LINGO2: variants seen among roughly 807,000 people sequenced by gnomAD.
LINGO2 encodes the protein leucine-rich repeat and immunoglobulin-like domain-containing nogo receptor-interacting protein 2.
In LINGO2, 14 loss-of-function variants were observed where a neutral mutation model predicts 30.6. That is an observed-to-expected ratio of 0.46 (90% CI 0.30 to 0.72). LINGO2 has a LOEUF of 0.72. Among genes scored for constraint, LINGO2 ranks in the 30% least tolerant of loss-of-function variants. The pLI, the probability that LINGO2 is intolerant of heterozygous loss-of-function variation, is 0.07. For missense variants in LINGO2, 729 were observed against 751.7 expected (o/e 0.97, Z 0.35); for synonymous variants, 317 against 288.5 (o/e 1.10, Z -1.00).
At chr9:28,683,186 A>G in the LINGO2 span, among the ~76,000 whole-genome samples, 1 of 152,124 alleles carries the variant, frequency 6.6e-6, no homozygotes, top group Non-Finnish European at 1.5e-5. Context: ...ATGTGCCCAT[A>G]CCCTATTGTA....
intron 1 of LINGO2, among the ~76,000 whole-genome samples, chr9:28,639,998 T>C (rs1827493256): frequency 1.3e-5 from 2 of 152,172 alleles, no homozygotes. Context: ...CTTCAGGAGC[T>C]CTTGTAGGGC....
chr9:28,647,821 C>A (rs1221942901), intron 1 of LINGO2, among the ~76,000 whole-genome samples: 2 of 150,674 alleles, frequency 1.3e-5, no homozygotes, highest in Middle Eastern at 3.2e-3. Context: ...CTCTATTTAA[C>A]TTTTATTATT....
At chr9:28,345,585 A>C (rs2134410909) in intron 3 of LINGO2, among the ~76,000 whole-genome samples, 1 of 152,310 alleles carries the variant, frequency 6.6e-6, no homozygotes, top group South Asian at 2.1e-4. Context: ...TAATCCCTCT[A>C]AAATTTCATC....
intron 2 of LINGO2, among the ~76,000 whole-genome samples, chr9:28,449,032 C>CGTGTGTGTGT (rs140779747): frequency 0.016 from 2,214 of 137,932 alleles, 43 homozygotes; most frequent in Middle Eastern, 0.041. Flanking sequence ...TATTCACATT[C>CGTGTGTGTGT]GTGTGTGTGT....
the LINGO2 span, among the ~76,000 whole-genome samples, chr9:28,732,775 T>C: frequency 0.026 from 3,890 of 152,294 alleles, 157 homozygotes; most frequent in African/African-American, 0.088. Flanking sequence ...ATTCCACTCC[T>C]CTATAAATAT....
At chr9:28,535,625 A>C (rs1424738801) in intron 1 of LINGO2, among the ~76,000 whole-genome samples, 1 of 152,150 alleles carries the variant, frequency 6.6e-6, no homozygotes, top group African/African-American at 2.4e-5. Context: ...CCTTTCTGCT[A>C]CAACACAGAG....
the LINGO2 span, among the ~76,000 whole-genome samples, chr9:28,699,404 C>T: frequency 6.6e-6 from 1 of 152,018 alleles, no homozygotes; most frequent in Non-Finnish European, 1.5e-5. Context: ...TTTCTTACGC[C>T]TGTCTTACTT....
the LINGO2 span, among the ~76,000 whole-genome samples, chr9:29,054,057 A>G: frequency 6.6e-6 from 1 of 152,118 alleles, no homozygotes; most frequent in Non-Finnish European, 1.5e-5. Flanking sequence ...TGAAATTTCT[A>G]GAAAAGTATT....
intron 4 of LINGO2, among the ~76,000 whole-genome samples, chr9:28,098,507 A>G (rs1184723944): frequency 6.6e-6 from 1 of 152,136 alleles, no homozygotes; most frequent in Non-Finnish European, 1.5e-5. Flanking sequence ...ACATCAGATT[A>G]TATACTTCTT....
intron 4 of LINGO2, among the ~76,000 whole-genome samples, chr9:28,051,922 T>C (rs749429294): frequency 3.3e-5 from 5 of 151,950 alleles, no homozygotes; most frequent in Non-Finnish European, 7.4e-5. Flanking sequence ...TACCTAACAA[T>C]AAAAAACACA....
At chr9:29,166,556 A>T in the LINGO2 span, among the ~76,000 whole-genome samples, 1 of 152,144 alleles carries the variant, frequency 6.6e-6, no homozygotes, top group African/African-American at 2.4e-5. Flanking sequence ...ATAACTATCC[A>T]AGGCACAGAC....
intron 4 of LINGO2, among the ~76,000 whole-genome samples, chr9:28,237,167 T>A (rs1021704566): frequency 6.6e-6 from 1 of 150,970 alleles, no homozygotes; most frequent in Non-Finnish European, 1.5e-5. Context: ...TTTTTTTGCA[T>A]GTTTGTTTGT....
At chr9:28,859,684 A>C in the LINGO2 span, among the ~76,000 whole-genome samples, 2 of 152,008 alleles carry the variant, frequency 1.3e-5, no homozygotes, top group Non-Finnish European at 2.9e-5. Flanking sequence ...ATCAGGAACT[A>C]TGTTAGTAGT....
the LINGO2 span, among the ~76,000 whole-genome samples, chr9:29,180,670 C>T: frequency 1.3e-5 from 2 of 152,200 alleles, no homozygotes; most frequent in African/African-American, 4.8e-5. Flanking sequence ...TACCTTCCCC[C>T]ATGAAGGAAT....
At chr9:28,478,648 A>C (rs539113681) in intron 1 of LINGO2, among the ~76,000 whole-genome samples, 2 of 152,256 alleles carry the variant, frequency 1.3e-5, no homozygotes, top group Non-Finnish European at 2.9e-5. Context: ...TATAACAATA[A>C]GTTTTTTAAA....
At chr9:28,880,706 C>T in the LINGO2 span, among the ~76,000 whole-genome samples, 1 of 152,128 alleles carries the variant, frequency 6.6e-6, no homozygotes, top group African/African-American at 2.4e-5. Context: ...TAGAGGAAGG[C>T]CACTGTCTCC....
intron 4 of LINGO2, among the ~76,000 whole-genome samples, chr9:28,251,230 G>T (rs1587327098): frequency 6.6e-6 from 1 of 152,072 alleles, no homozygotes; most frequent in Admixed American, 6.6e-5. Context: ...TTAAACTCAG[G>T]AACCTTTTTT....
the LINGO2 span, among the ~76,000 whole-genome samples, chr9:28,705,958 A>C: frequency 6.6e-5 from 10 of 151,920 alleles, no homozygotes; most frequent in African/African-American, 2.2e-4. Flanking sequence ...TCAGATTTTT[A>C]CTTGTTGTTA....
At chr9:28,315,909 G>T (rs1349459288) in intron 3 of LINGO2, among the ~76,000 whole-genome samples, 2 of 152,068 alleles carry the variant, frequency 1.3e-5, no homozygotes. Context: ...TTAGTTTTTG[G>T]GTTAAATGCG....
Sources: allele counts gnomAD v4.1 joint callset (sites outside exome capture counted in the v4.1 genomes callset), GRCh38; gene constraint gnomAD v4.1.1; transcripts MANE v1.5; gene names NCBI Gene and HGNC (gene_info 2026-07-23, HGNC 2026-07-21).